ADCY5: variants seen among roughly 807,000 people sequenced by gnomAD.
ADCY5 encodes adenylate cyclase 5, also known as adenylate cyclase type 5.
In ADCY5, 30 loss-of-function variants were observed where a neutral mutation model predicts 119.7. The observed-to-expected ratio is 0.25, with a 90% CI of 0.19 to 0.34. ADCY5 has a LOEUF of 0.34. Among genes scored for constraint, ADCY5 ranks in the 10% least tolerant of loss-of-function variants. The probability of loss-of-function intolerance (pLI) is 1.00; values close to 1 mark genes in which losing one functional copy is unlikely to be tolerated. For synonymous variants in ADCY5, 753 were observed against 762.2 expected (o/e 0.99, Z 0.20); for missense variants, 1,324 against 1,775.2 (o/e 0.75, Z 4.57).
chr3:123,408,668 AG>A (rs1944967444), intron 1 of ADCY5, among the ~76,000 whole-genome samples: 1 of 135,582 alleles, frequency 7.4e-6, no homozygotes, highest in Non-Finnish European at 1.6e-5. Context: ...AAAAAAAAAA[AG>A]CAGACACAAA....
At chr3:123,396,817 G>GA (rs1317241830) in intron 1 of ADCY5, among the ~76,000 whole-genome samples, 5,485 of 62,986 alleles carry the variant, frequency 0.087, 459 homozygotes, top group East Asian at 0.2. Context: ...CAGGCAGGCA[G>GA]GCGAGAGAGA....
chr3:123,379,285 TG>T (rs1943947823), intron 1 of ADCY5, among the ~76,000 whole-genome samples: 1 of 152,044 alleles, frequency 6.6e-6, no homozygotes, highest in Non-Finnish European at 1.5e-5. Flanking sequence ...GGTCCTTTGC[TG>T]GTGGAGTTCC....
intron 12 of ADCY5, among the ~76,000 whole-genome samples, chr3:123,306,998 A>G (rs1940233982): frequency 6.6e-6 from 1 of 152,150 alleles, no homozygotes; most frequent in Non-Finnish European, 1.5e-5. Context: ...TCAAAAGGCC[A>G]TGTGAGATTC....
At chr3:123,437,195 G>A in intron 1 of ADCY5, among the ~76,000 whole-genome samples, 1 of 152,172 alleles carries the variant, frequency 6.6e-6, no homozygotes, top group South Asian at 2.1e-4. Context: ...CAGAACACCA[G>A]CCTCAGAATA....
rs1035143009 is a variant in ADCY5, at chr3:123,356,491, T to TA, written c.1135-3911dup. Among the ~76,000 whole-genome samples the TA allele has an allele frequency of 2.1e-4, 32 of 151,534 alleles. No individual in the cohort carries two copies. In the South Asian group the frequency reaches 2.5e-3, roughly 12 times the overall value. ...AGATCTTCACTTGTATGGCAATGAG[T>TA]AAAAAAAAGTGGTGCTAGAACAATT... On this transcript the variant is annotated intron_variant, in intron 1 of 20. Transcript: ENST00000462833.
intron 19 of ADCY5, among the ~76,000 whole-genome samples, chr3:123,289,515 C>T (rs1371711642): frequency 6.6e-6 from 1 of 152,242 alleles, no homozygotes; most frequent in East Asian, 1.9e-4. Flanking sequence ...CCCATGTGGC[C>T]CTCATGTCAA....
chr3:123,400,195 C>T (rs189863667), intron 1 of ADCY5, among the ~76,000 whole-genome samples: 3 of 152,324 alleles, frequency 2.0e-5, no homozygotes, highest in Non-Finnish European at 2.9e-5. Flanking sequence ...GGTCCAGAAT[C>T]ACCTCTGCTC....
rs1411481210 is a variant in ADCY5, at chr3:123,331,028, A to G, written c.1519-12T>C. 2 of 1,601,454 alleles carry G rather than the reference A, an allele frequency of 1.2e-6. No individual in the cohort carries two copies. The highest frequency in any genetic ancestry group is 1.7e-4 in the Middle Eastern group (1 of 5,994). On this transcript the variant is annotated splice_polypyrimidine_tract_variant and intron_variant, in intron 4 of 20. Coordinates refer to ENST00000462833, the MANE Select transcript of ADCY5 (RefSeq NM_183357.3). The stretch of plus-strand genomic sequence containing the variant: ...AAACAGTGATTCTCCTGGAAAGCAA[A>G]TTAATTTTACAAATTAAAAATAGTA...
intron 15 of ADCY5, among the ~76,000 whole-genome samples, chr3:123,298,342 TA>T (rs1206310598): frequency 2.0e-5 from 3 of 152,254 alleles, no homozygotes; most frequent in East Asian, 3.9e-4. Flanking sequence ...AATCCAGAAA[TA>T]ACCTTCACTG....
At position 123,284,309 on chromosome 3, in the gene ADCY5, C is replaced by T. The variant is rs568983438; in HGVS notation, c.*299G>A. On this transcript the variant is annotated 3_prime_UTR_variant, in exon 21 of 21. Transcript: ENST00000462833. ...ACACACACATTCCCACGGCTCCTTT[C>T]CACCTGTGCAGCAGCACCTGTTAGA... 109 of 359,428 alleles carry T rather than the reference C, an allele frequency of 3.0e-4. No homozygotes were observed. Among genetic ancestry groups the T allele is most frequent in the African/African-American group, 2.1e-3 (102 of 48,402 alleles). The allele number at this position is 359,428 out of a possible 1,614,324, so 22.3% of individuals were successfully genotyped here.
At chr3:123,290,428 C>T (rs1576524521) in intron 18 of ADCY5, among the ~76,000 whole-genome samples, 1 of 152,358 alleles carries the variant, frequency 6.6e-6, no homozygotes, top group East Asian at 1.9e-4. Context: ...CCTGGCCAAG[C>T]TCCATCATCC....
intron 2 of ADCY5, among the ~76,000 whole-genome samples, chr3:123,349,607 G>A (rs1473428732): frequency 6.6e-6 from 1 of 152,196 alleles, no homozygotes; most frequent in East Asian, 1.9e-4. Flanking sequence ...CAGACCCGCT[G>A]AACTCACTCT....
intron 1 of ADCY5, among the ~76,000 whole-genome samples, chr3:123,416,688 G>A (rs1414647106): frequency 1.3e-5 from 2 of 152,144 alleles, no homozygotes; most frequent in African/African-American, 4.8e-5. Context: ...GGCTTGTGAG[G>A]GGAGGAGGGC....
chr3:123,422,339 G>T (rs776961039), intron 1 of ADCY5, among the ~76,000 whole-genome samples: 2 of 152,188 alleles, frequency 1.3e-5, no homozygotes, highest in African/African-American at 4.8e-5. Flanking sequence ...ACCTCCTCTC[G>T]GGCTGCCCAC....
chr3:123,301,133 T>G (rs1440462027), intron 14 of ADCY5, among the ~76,000 whole-genome samples: 1 of 150,980 alleles, frequency 6.6e-6, no homozygotes, highest in Admixed American at 6.6e-5. Context: ...TGCTGTCCCT[T>G]GATGCAGATG....
intron 1 of ADCY5, among the ~76,000 whole-genome samples, chr3:123,411,049 C>A (rs9856662): frequency 0.05 from 7,670 of 152,216 alleles, 437 homozygotes; most frequent in African/African-American, 0.13. Context: ...AGCAGCTATA[C>A]CAAATCACTC....
At chr3:123,290,910 CATG>C (rs1288140283) in intron 18 of ADCY5, among the ~76,000 whole-genome samples, 200 bp downstream of exon 18, 2 of 152,342 alleles carry the variant, frequency 1.3e-5, no homozygotes, top group East Asian at 1.9e-4. Flanking sequence ...TCATCTGTCA[CATG>C]ATGATGAGAG....
At chr3:123,436,005 C>T (rs972384930) in intron 1 of ADCY5, among the ~76,000 whole-genome samples, 1 of 150,990 alleles carries the variant, frequency 6.6e-6, no homozygotes, top group Non-Finnish European at 1.5e-5. Flanking sequence ...ATTCTCCTGC[C>T]TCAGCCTCCC....
intron 11 of ADCY5, among the ~76,000 whole-genome samples, chr3:123,317,122 A>C (rs1199184052): frequency 6.6e-6 from 1 of 152,138 alleles, no homozygotes; most frequent in African/African-American, 2.4e-5. Flanking sequence ...CGAGACTCTA[A>C]TGTGAATGAC....
Sources: gnomAD v4.1 joint callset for allele counts (sites outside exome capture counted in the v4.1 genomes callset) on GRCh38, gnomAD v4.1.1 for gene constraint, MANE v1.5 for transcripts, NCBI Gene and HGNC (gene_info 2026-07-23, HGNC 2026-07-21) for gene names.